JADE1: variants seen among roughly 807,000 people sequenced by gnomAD.
JADE1 encodes the protein protein Jade-1.
In JADE1, 14 loss-of-function variants were observed where a neutral mutation model predicts 81.8. The observed-to-expected ratio is 0.17, with a 90% CI of 0.11 to 0.27. The LOEUF (loss-of-function observed/expected upper bound fraction) is 0.27. Among genes scored for constraint, JADE1 ranks in the 10% least tolerant of loss-of-function variants. The pLI is 1.00. For synonymous variants in JADE1, 353 were observed against 391.9 expected (o/e 0.90, Z 1.17); for missense variants, 690 against 1,047.9 (o/e 0.66, Z 4.71).
rs148959357 is a variant in JADE1, at chr4:128,819,467, T to TC, written c.-27+9592dup. 5.8e-4 allele frequency among the ~76,000 whole-genome samples: 89 copies of TC among 152,282 alleles called. 1 individual carries two copies. In the East Asian group the frequency reaches 0.015, roughly 25 times the overall value. On this transcript the variant is annotated intron_variant, in intron 1 of 10. Coordinates refer to ENST00000226319, the MANE Select transcript of JADE1 (RefSeq NM_199320.4). ...AATACCTTGGTCATCTCTCACACCC[T>TC]CCGGGGGGGTCAAGCTAAGAAGACC...
At chr4:128,862,393 T>C (rs1244781674) in intron 9 of JADE1, 168 bp downstream of exon 9, 2 of 1,435,820 alleles carry the variant, frequency 1.4e-6, no homozygotes, top group East Asian at 5.0e-5. Flanking sequence ...GTAAACTCAT[T>C]GTACATATGT....
At chr4:128,854,963 A>G (rs1380003889) in intron 6 of JADE1, among the ~76,000 whole-genome samples, 1 of 152,098 alleles carries the variant, frequency 6.6e-6, no homozygotes, top group East Asian at 1.9e-4. Flanking sequence ...GAAAGGCTGA[A>G]TTTGTTTTAA....
chr4:128,859,369 ATG>A (rs1172150664), intron 8 of JADE1, among the ~76,000 whole-genome samples: 2 of 151,614 alleles, frequency 1.3e-5, no homozygotes, highest in Non-Finnish European at 1.5e-5. Flanking sequence ...GCGTGTGTGA[ATG>A]TGTATGTGTG....
intron 3 of JADE1, among the ~76,000 whole-genome samples, chr4:128,844,877 G>A (rs946040930): frequency 6.6e-6 from 1 of 152,158 alleles, no homozygotes; most frequent in Non-Finnish European, 1.5e-5. Context: ...ACTTTATTAT[G>A]GGGAAGTTTA....
At position 128,874,821 on chromosome 4, in the gene JADE1, T is replaced by TAA. The variant is rs1412565988; in HGVS notation, c.*2561_*2562dup. ...GTATTATGTCAAAATGTAGGCTAGTTAAACTTTTGTAAAGTTGCCTGGAAT... is the reference window on the plus strand; with the variant it reads ...GTATTATGTCAAAATGTAGGCTAGTTAAAAACTTTTGTAAAGTTGCCTGGAAT... On this transcript the variant is annotated 3_prime_UTR_variant, in exon 11 of 11. Coordinates refer to ENST00000226319, the MANE Select transcript of JADE1 (RefSeq NM_199320.4). The TAA allele has an allele frequency of 3.9e-5, 6 of 152,758 alleles. No individual in the cohort carries two copies. In the East Asian group the frequency reaches 9.6e-4, roughly 25 times the overall value. The allele number at this position is 152,758 out of a possible 1,614,324, so 9.5% of individuals were successfully genotyped here. A position where few individuals can be genotyped will look rare whatever the true frequency, so the allele number is the denominator to read the frequency against.
intron 3 of JADE1, among the ~76,000 whole-genome samples, chr4:128,844,203 G>A (rs1232276769): frequency 6.6e-6 from 1 of 152,172 alleles, no homozygotes; most frequent in Non-Finnish European, 1.5e-5. Flanking sequence ...AATACAAGGG[G>A]GACTTAGCAG....
intron 10 of JADE1, among the ~76,000 whole-genome samples, 196 bp downstream of exon 10, chr4:128,868,169 T>C (rs1731921593): frequency 6.6e-6 from 1 of 152,362 alleles, no homozygotes; most frequent in Middle Eastern, 3.4e-3. Flanking sequence ...TCTATAAATA[T>C]GGGTGGAATC....
At chr4:128,849,700 G>T (rs1191251010) in intron 5 of JADE1, among the ~76,000 whole-genome samples, 1 of 152,144 alleles carries the variant, frequency 6.6e-6, no homozygotes, top group African/African-American at 2.4e-5. Context: ...CTTTCCTTCA[G>T]TGAAGCCTGA....
chr4:128,865,196 C>A (rs891205292), intron 9 of JADE1, among the ~76,000 whole-genome samples: 8 of 152,156 alleles, frequency 5.3e-5, no homozygotes, highest in African/African-American at 1.9e-4. Context: ...TTTAGTGCTG[C>A]AAACAGTTTT....
chr4:128,872,484 A>G lies in JADE1; in HGVS notation c.*222A>G, dbSNP rs767976907. ...GGAAACAGAAGAGTAGATTGTAACCATAAGACACTGCTAAGACTAGAACCC... is the reference window on the plus strand; with the variant it reads ...GGAAACAGAAGAGTAGATTGTAACCGTAAGACACTGCTAAGACTAGAACCC... On this transcript the variant is annotated 3_prime_UTR_variant, in exon 11 of 11. Transcript: ENST00000226319. 6 of 538,246 alleles carry G rather than the reference A, an allele frequency of 1.1e-5. No homozygotes were observed. Among genetic ancestry groups the G allele is most frequent in the East Asian group, 9.0e-5 (3 of 33,160 alleles). 33.3% of individuals were successfully genotyped at this position (538,246 alleles called of 1,614,324 possible).
intron 3 of JADE1, among the ~76,000 whole-genome samples, chr4:128,845,420 A>G (rs1408680351): frequency 6.6e-6 from 1 of 152,222 alleles, no homozygotes; most frequent in Non-Finnish European, 1.5e-5. Flanking sequence ...CTTTCCCCAC[A>G]AATAACTCTT....
intron 1 of JADE1, among the ~76,000 whole-genome samples, chr4:128,812,587 A>T (rs546619584): frequency 6.6e-6 from 1 of 152,238 alleles, no homozygotes; most frequent in Admixed American, 6.5e-5. Context: ...CTCCCGCGCC[A>T]GGCTCCGCTG....
chr4:128,867,800 C>T, intron 9 of JADE1, 56 bp from the exon 10 acceptor site: 1 of 1,148,440 alleles, frequency 8.7e-7, no homozygotes. Context: ...TTAAAAAGCA[C>T]CAAAGTACTG....
intron 5 of JADE1, among the ~76,000 whole-genome samples, chr4:128,849,935 G>A (rs1730203804): frequency 6.6e-6 from 1 of 152,154 alleles, no homozygotes; most frequent in Admixed American, 6.5e-5. Context: ...TAGCTTTTGT[G>A]CTGTAGGTAC....
intron 4 of JADE1, among the ~76,000 whole-genome samples, chr4:128,847,005 C>T (rs1423334852): frequency 6.6e-6 from 1 of 152,148 alleles, no homozygotes; most frequent in African/African-American, 2.4e-5. Context: ...TGTTAGGAGA[C>T]CTGTCAGTTA....
Position 128,830,567 on chromosome 4 carries a change from T to G in JADE1, c.-26-1166T>G, listed in dbSNP as rs79854032. The stretch of plus-strand genomic sequence containing the variant: ...ATTGTTAACACCACATCATACATAT[T>G]GTGATTCCCAATGAGGAGGAGGTTG... On this transcript the variant is annotated intron_variant, in intron 1 of 10. Coordinates refer to ENST00000226319, the MANE Select transcript of JADE1 (RefSeq NM_199320.4). 3.4e-3 allele frequency among the ~76,000 whole-genome samples: 518 copies of G among 152,242 alleles called. 1 individual carries two copies. Among genetic ancestry groups the G allele is most frequent in the Non-Finnish European group, 6.0e-3 (407 of 68,018 alleles).
At chr4:128,834,785 T>G (rs1728846332) in intron 2 of JADE1, among the ~76,000 whole-genome samples, 1 of 151,940 alleles carries the variant, frequency 6.6e-6, no homozygotes, top group Admixed American at 6.6e-5. Flanking sequence ...CTGCCCACCT[T>G]CTGCCTCCCA....
At chr4:128,830,913 T>A (rs908091348) in intron 1 of JADE1, among the ~76,000 whole-genome samples, 5 of 152,182 alleles carry the variant, frequency 3.3e-5, no homozygotes, top group African/African-American at 1.2e-4. Context: ...ATCAGCTACC[T>A]GGGAGGAGTT....
intron 2 of JADE1, among the ~76,000 whole-genome samples, chr4:128,832,344 T>C (rs1184028669): frequency 6.6e-6 from 1 of 152,220 alleles, no homozygotes; most frequent in African/African-American, 2.4e-5. Context: ...ACAGTGCAGC[T>C]GAGAACCAGA....
Sources: gnomAD v4.1 joint callset for allele counts (sites outside exome capture counted in the v4.1 genomes callset) on GRCh38, gnomAD v4.1.1 for gene constraint, MANE v1.5 for transcripts, NCBI Gene and HGNC (gene_info 2026-07-23, HGNC 2026-07-21) for gene names.